The following CYP2B6 variants were observed in gnomAD, a reference collection of about 807,000 sequenced individuals.
The protein encoded by CYP2B6 is cytochrome P450 family 2 subfamily B member 6, also known as cytochrome P450 2B6.
A neutral mutation model predicts 43.4 loss-of-function variants in CYP2B6; 35 were observed. That is an observed-to-expected ratio of 0.81 (90% CI 0.62 to 1.07). The LOEUF (loss-of-function observed/expected upper bound fraction) is 1.07, where lower values mean the gene tolerates loss of function less well. Among genes scored for constraint, CYP2B6 ranks in the 50% least tolerant of loss-of-function variants. CYP2B6 has a pLI of 0.00. For missense variants in CYP2B6, 624 were observed against 632.8 expected (o/e 0.99, Z 0.15); for synonymous variants, 239 against 239.2 (o/e 1.00, Z 0.01).
Position 41,009,833 on chromosome 19 carries a change from G to C in CYP2B6, c.823-161G>C, listed in dbSNP as rs970354658. ...AAGAGAGGCTGAGAGAGATGAGTTA[G>C]AGATACGCGGTTGGATGTGTAGAGG... On this transcript the variant is annotated intron_variant, in intron 5 of 8. Coordinates refer to ENST00000324071, the MANE Select transcript of CYP2B6 (RefSeq NM_000767.5). 8.6e-5 allele frequency: 62 copies of C among 717,734 alleles called. No individual in the cohort carries two copies. In the African/African-American group the frequency reaches 9.7e-4, roughly 11 times the overall value. 44.5% of individuals were successfully genotyped at this position (717,734 alleles called of 1,614,324 possible). A position where few individuals can be genotyped will look rare whatever the true frequency, so the allele number is the denominator to read the frequency against.
Position 40,991,404 on chromosome 19 carries a change from GC to G in CYP2B6, c.103del (p.Arg35AlafsTer22), listed in dbSNP as rs756365431. 1 of 1,614,076 alleles carries G rather than the reference GC, an allele frequency of 6.2e-7. No individual in the cohort carries two copies. Among genetic ancestry groups the G allele is most frequent in the South Asian group, 1.1e-5 (1 of 91,068 alleles). The stretch of plus-strand genomic sequence containing the variant: ...ACACCCATGACCGCCTCCCACCAGG[GC>G]CCCGCCCTCTGCCCCTTTTGGGAAA... ...PNTHDRLPPG[P>X]RPLPLLGNLL... On this transcript the variant is annotated frameshift_variant, in exon 1 of 9. Transcript: ENST00000324071. LOFTEE classifies it high-confidence loss of function.
chr19:41,010,776 C>T (rs748696470), intron 6 of CYP2B6, among the ~76,000 whole-genome samples: 12 of 152,048 alleles, frequency 7.9e-5, no homozygotes, highest in Non-Finnish European at 1.3e-4. Flanking sequence ...AGTAATTTCT[C>T]ATCATTCACC....
At chr19:41,009,497 G>A in intron 5 of CYP2B6, 102 bp downstream of exon 5, 1 of 1,342,200 alleles carries the variant, frequency 7.5e-7, no homozygotes, top group East Asian at 2.5e-5. Flanking sequence ...AGATGGGGAG[G>A]GAAGAAGAAA....
chr19:40,992,263 G>A (rs1318975177), intron 1 of CYP2B6, among the ~76,000 whole-genome samples: 1 of 149,924 alleles, frequency 6.7e-6, no homozygotes, highest in African/African-American at 2.5e-5. Context: ...TCTACAGAGA[G>A]AGCTTTAGGT....
chr19:40,999,420 G>A (rs983784132), intron 1 of CYP2B6, among the ~76,000 whole-genome samples: 1 of 151,870 alleles, frequency 6.6e-6, no homozygotes, highest in African/African-American at 2.4e-5. Context: ...AAGCTCTTTA[G>A]TTTAATTAGA....
chr19:41,016,399 C>CAAAAAA lies in CYP2B6; in HGVS notation c.1295-217_1295-212dup, dbSNP rs869180190. 1.2e-3 allele frequency among the ~76,000 whole-genome samples: 93 copies of CAAAAAA among 76,808 alleles called. 1 individual carries two copies. The highest frequency in any genetic ancestry group is 1.8e-3 in the Non-Finnish European group (65 of 36,188). 50.4% of individuals were successfully genotyped at this position (76,808 alleles called of 152,430 possible). ...TGGGTGACAAAGAGAGACTCCATCT[C>CAAAAAA]AAAAAAAAAAAAAAAAAAAAAAAAA... is the stretch of plus-strand genomic sequence containing the variant. On this transcript the variant is annotated intron_variant, in intron 8 of 8. Transcript: ENST00000324071.
chr19:41,005,807 T>A (rs1969171588), intron 3 of CYP2B6, among the ~76,000 whole-genome samples: 1 of 149,932 alleles, frequency 6.7e-6, no homozygotes, highest in Non-Finnish European at 1.5e-5. Flanking sequence ...AATAATAAAA[T>A]AAAGAACGGC....
At chr19:41,015,699 T>TC (rs1346568148) in intron 8 of CYP2B6, among the ~76,000 whole-genome samples, 1 of 151,924 alleles carries the variant, frequency 6.6e-6, no homozygotes, top group Non-Finnish European at 1.5e-5. Flanking sequence ...ATTGGGCTTT[T>TC]CCCCCCTTGA....
chr19:41,009,601 T>A, intron 5 of CYP2B6: 1 of 627,204 alleles, frequency 1.6e-6, no homozygotes, highest in Non-Finnish European at 2.8e-6. Context: ...GAGGAGGAAC[T>A]GAGACAGGGA....
rs1412007772 is a variant in CYP2B6 at position 41,016,816 on chromosome 19, C to T, written c.1465C>T (p.Leu489=). 1 of 1,613,920 alleles carries T rather than the reference C, an allele frequency of 6.2e-7. No homozygotes were observed. Among genetic ancestry groups the T allele is most frequent in the Non-Finnish European group, 8.5e-7 (1 of 1,179,880 alleles). ...ACCCCCAACATACCAGATCCGCTTC[C>T]TGCCCCGCTGAAGGGGCTGAGGGAA... ...KIPPTYQIRF[L]PR is the part of the protein sequence containing the mutation. The change falls in exon 9 of 9, where the codon CTG becomes TTG. Residue 489 remains leucine (L), a synonymous_variant. Transcript: ENST00000324071.
chr19:41,010,524 C>A (rs1474371061), intron 6 of CYP2B6, among the ~76,000 whole-genome samples: 1 of 151,856 alleles, frequency 6.6e-6, no homozygotes, highest in Non-Finnish European at 1.5e-5. Flanking sequence ...CGCCATTCTC[C>A]TGCCTCAGCT....
At chr19:41,014,913 T>C (rs1463075274) in intron 8 of CYP2B6, among the ~76,000 whole-genome samples, 1 of 146,204 alleles carries the variant, frequency 6.8e-6, no homozygotes, top group Admixed American at 6.9e-5. Flanking sequence ...GAATAAGAGA[T>C]AGGAAAAAGA....
At position 41,004,416 on chromosome 19, in the gene CYP2B6, T is replaced by G; in HGVS notation, c.454T>G (p.Cys152Gly). 1 of 1,613,882 alleles carries G rather than the reference T, an allele frequency of 6.2e-7. No homozygotes were observed. Among genetic ancestry groups the G allele is most frequent in the Non-Finnish European group, 8.5e-7 (1 of 1,179,972 alleles). The change falls in exon 3 of 9, where the codon TGT becomes GGT. Residue 152 changes from cysteine to glycine, a missense_variant. Transcript: ENST00000324071. ...VEERIQEEAQ[C>G]LIEELRKSKG... Reference sequence around the variant, plus strand: ...GGAGCGGATTCAGGAGGAGGCTCAGTGTCTGATAGAGGAGCTTCGGAAATC... The same window carrying G: ...GGAGCGGATTCAGGAGGAGGCTCAGGGTCTGATAGAGGAGCTTCGGAAATC...
In CYP2B6 at chr19:41,009,321, G is replaced by A. The variant is rs1364096989; in HGVS notation, c.748G>A (p.Glu250Lys). The change falls in exon 5 of 9, where the codon GAG becomes AAG. Residue 250 changes from glutamate (E) to lysine (K), a missense_variant. Physicochemically the swap from Glu to Lys is moderately conservative, Grantham distance 56 (BLOSUM62 1). Coordinates refer to ENST00000324071, the MANE Select transcript of CYP2B6 (RefSeq NM_000767.5). ...EINAYIGHSVEKHRETLDPSA... is the reference protein window; with the variant it reads ...EINAYIGHSVKKHRETLDPSA... ...CAATGCTTACATTGGCCACAGTGTG[G>A]AGAAGCACCGTGAAACCCTGGACCC... 7.4e-6 allele frequency: 12 copies of A among 1,611,788 alleles called. No individual in the cohort carries two copies. The highest frequency in any genetic ancestry group is 1.0e-5 in the Non-Finnish European group (12 of 1,178,502).
intron 3 of CYP2B6, among the ~76,000 whole-genome samples, chr19:41,006,533 C>A (rs1342468497): frequency 1.3e-5 from 2 of 151,944 alleles, no homozygotes; most frequent in South Asian, 2.1e-4. Context: ...ACTGTACTCA[C>A]TCCCAGAGTC....
intron 6 of CYP2B6, among the ~76,000 whole-genome samples, chr19:41,011,030 C>A (rs138148974): frequency 1.4e-3 from 197 of 140,178 alleles, no homozygotes; most frequent in African/African-American, 5.2e-3. Flanking sequence ...CATATACTGT[C>A]ATTCATTTAT....
chr19:41,016,661 T>G lies in CYP2B6; in HGVS notation c.1310T>G (p.Leu437Arg). The G allele has an allele frequency of 6.2e-7, 1 of 1,614,198 alleles. No homozygotes were observed. Among genetic ancestry groups the G allele is most frequent in the Non-Finnish European group, 8.5e-7 (1 of 1,180,014 alleles). The change falls in exon 9 of 9, where the codon CTT becomes CGT. Residue 437 changes from leucine to arginine, a missense_variant. By Grantham distance (102) the Leu-to-Arg change is moderately radical. Coordinates refer to ENST00000324071, the MANE Select transcript of CYP2B6 (RefSeq NM_000767.5). ...IPFSLGKRIC[L>R]GEGIARAELF... ...GTGTCCACAGGGAAGCGGATTTGTC[T>G]TGGTGAAGGCATCGCCCGTGCGGAA...
At chr19:40,997,981 A>T (rs1345513056) in intron 1 of CYP2B6, among the ~76,000 whole-genome samples, 5 of 152,132 alleles carry the variant, frequency 3.3e-5, no homozygotes, top group African/African-American at 1.2e-4. Context: ...ATGTGCCTGT[A>T]GTCCCAGCTA....
At chr19:41,012,998 C>T (rs965803318) in intron 8 of CYP2B6, 183 bp downstream of exon 8, 1 of 726,958 alleles carries the variant, frequency 1.4e-6, no homozygotes, top group Non-Finnish European at 2.4e-6. Flanking sequence ...AGATTACATT[C>T]CCAAAGGCAC....
Sources: allele counts gnomAD v4.1 joint callset (sites outside exome capture counted in the v4.1 genomes callset), GRCh38; gene constraint gnomAD v4.1.1; transcripts MANE v1.5; gene names NCBI Gene and HGNC (gene_info 2026-07-23, HGNC 2026-07-21).